The following GALNT10 variants were observed in gnomAD, a reference collection of about 807,000 sequenced individuals.
GALNT10 encodes the protein polypeptide N-acetylgalactosaminyltransferase 10.
In GALNT10, 41 loss-of-function variants were observed where a neutral mutation model predicts 75.0. The ratio of observed to expected loss-of-function variants is 0.55; its 90% CI spans 0.43 to 0.71. The LOEUF (loss-of-function observed/expected upper bound fraction) is 0.71. Among genes scored for constraint, GALNT10 ranks in the 30% least tolerant of loss-of-function variants. The probability of loss-of-function intolerance (pLI) is 0.00; values close to 1 mark genes in which losing one functional copy is unlikely to be tolerated. For missense variants in GALNT10, 727 were observed against 818.5 expected (o/e 0.89, Z 1.36); for synonymous variants, 302 against 313.0 (o/e 0.96, Z 0.37).
intron 4 of GALNT10, among the ~76,000 whole-genome samples, chr5:154,355,924 C>T (rs918510): frequency 0.44 from 66,354 of 151,962 alleles, 15,815 homozygotes; most frequent in Middle Eastern, 0.57. Flanking sequence ...TACACCAAGG[C>T]ACCTACCTTC....
At chr5:154,362,861 C>A (rs1447576502) in intron 4 of GALNT10, among the ~76,000 whole-genome samples, 4 of 152,152 alleles carry the variant, frequency 2.6e-5, no homozygotes, top group African/African-American at 9.7e-5. Context: ...TAGCTCTCTG[C>A]AAAGTATATC....
chr5:154,286,155 A>C (rs1754108033), intron 1 of GALNT10, among the ~76,000 whole-genome samples: 1 of 152,134 alleles, frequency 6.6e-6, no homozygotes, highest in East Asian at 1.9e-4. Flanking sequence ...TTCGGATGAA[A>C]GTCTACATTT....
chr5:154,326,129 A>T (rs1001882457), intron 3 of GALNT10, among the ~76,000 whole-genome samples: 1 of 152,120 alleles, frequency 6.6e-6, no homozygotes, highest in Non-Finnish European at 1.5e-5. Context: ...TCCAGAGAAG[A>T]TGTACAAATG....
chr5:154,259,113 C>CT (rs1424211848), intron 1 of GALNT10, among the ~76,000 whole-genome samples: 47 of 151,830 alleles, frequency 3.1e-4, no homozygotes, highest in African/African-American at 5.8e-4. Flanking sequence ...CCATTGATGC[C>CT]TTTTTTATTT....
chr5:154,309,440 G>A (rs1186543108), intron 3 of GALNT10, among the ~76,000 whole-genome samples: 1 of 152,184 alleles, frequency 6.6e-6, no homozygotes, highest in East Asian at 1.9e-4. Context: ...GATCACTTTG[G>A]TTGCTATTTT....
At chr5:154,242,929 A>G (rs1455106641) in intron 1 of GALNT10, among the ~76,000 whole-genome samples, 1 of 152,176 alleles carries the variant, frequency 6.6e-6, no homozygotes, top group Non-Finnish European at 1.5e-5. Context: ...CTATTTTGGC[A>G]TGTCTTTTGA....
chr5:154,328,927 C>G (rs971110007), intron 3 of GALNT10, among the ~76,000 whole-genome samples: 5 of 152,150 alleles, frequency 3.3e-5, no homozygotes, highest in African/African-American at 1.2e-4. Context: ...ATGGCATGAT[C>G]AATTATCATC....
chr5:154,275,743 G>C (rs1185066708), intron 1 of GALNT10, among the ~76,000 whole-genome samples: 1 of 152,182 alleles, frequency 6.6e-6, no homozygotes, highest in African/African-American at 2.4e-5. Context: ...TTCATAGCAT[G>C]GTGGCTGGGA....
At chr5:154,282,512 G>A (rs1043080958) in intron 1 of GALNT10, among the ~76,000 whole-genome samples, 4 of 152,156 alleles carry the variant, frequency 2.6e-5, no homozygotes, top group African/African-American at 9.7e-5. Flanking sequence ...CAGCTCCTAG[G>A]GGATATACAG....
At position 154,247,002 on chromosome 5, in the gene GALNT10, G is replaced by A. The variant is rs185213782; in HGVS notation, c.160-47814G>A. Among the ~76,000 whole-genome samples the A allele has an allele frequency of 2.8e-3, 425 of 152,244 alleles. 1 individual carries two copies. Among genetic ancestry groups the A allele is most frequent in the African/African-American group, 9.7e-3 (404 of 41,548 alleles). ...AATTTTTGTATAAGGTGTAAGGAAG[G>A]GATCCAGTTTCAGCTTTCTCCATAT... On this transcript the variant is annotated intron_variant, in intron 1 of 11. Coordinates refer to ENST00000297107, the MANE Select transcript of GALNT10 (RefSeq NM_198321.4).
rs1305837907 is a variant in GALNT10 at position 154,376,556 on chromosome 5, C to G, written c.754+94C>G. The G allele has an allele frequency of 9.2e-6, 8 of 866,734 alleles. No homozygotes were observed. Among genetic ancestry groups the G allele is most frequent in the Non-Finnish European group, 1.4e-5 (8 of 567,968 alleles). The allele number at this position is 866,734 out of a possible 1,614,324, so 53.7% of individuals were successfully genotyped here. ...TGCAGGGAGCCATCCATAAGCCTTC[C>G]CTTGCCTGTTCGAGATGCCCCCAGC... On this transcript the variant is annotated intron_variant, in intron 5 of 11. Transcript: ENST00000297107. The surrounding 1 kb of genome is among the most constrained non-coding windows in gnomAD (Gnocchi z 4.1).
chr5:154,371,537 A>G (rs1327579336), intron 4 of GALNT10, among the ~76,000 whole-genome samples: 1 of 70,858 alleles, frequency 1.4e-5, no homozygotes, highest in African/African-American at 3.6e-5. Flanking sequence ...GACACACCAC[A>G]GTGTGTGTGT....
rs181150306 is a variant in GALNT10, at chr5:154,293,928, G to A, written c.160-888G>A. 5.3e-4 allele frequency among the ~76,000 whole-genome samples: 80 copies of A among 152,186 alleles called. 1 individual carries two copies. In the South Asian group the frequency reaches 0.011, roughly 21 times the overall value. On this transcript the variant is annotated intron_variant, in intron 1 of 11. Transcript: ENST00000297107. Reference sequence around the variant, plus strand: ...CCCAGTGGAACTGAACTCATGTAGTGCATTCTCTGAGCCCCTGCCCTATCC... The same window carrying A: ...CCCAGTGGAACTGAACTCATGTAGTACATTCTCTGAGCCCCTGCCCTATCC...
chr5:154,224,392 C>T (rs1033762004), intron 1 of GALNT10, among the ~76,000 whole-genome samples: 8 of 152,150 alleles, frequency 5.3e-5, no homozygotes, highest in African/African-American at 1.9e-4. Flanking sequence ...CTAATTTGAC[C>T]CAGTCTCTTG....
At position 154,357,885 on chromosome 5, in the gene GALNT10, G is replaced by T. The variant is rs181391450; in HGVS notation, c.569-18392G>T. ...ACATTTGACTTACCCAAGGCTCAGC[G>T]TGCTCCACAATTTCTTCATGGGAAG... On this transcript the variant is annotated intron_variant, in intron 4 of 11. Transcript: ENST00000297107. Among the ~76,000 whole-genome samples the T allele has an allele frequency of 1.2e-4, 18 of 152,280 alleles. No individual in the cohort carries two copies. The East Asian group carries it at 2.5e-3, about 21-fold the overall frequency.
chr5:154,404,054 G>A (rs760121761), intron 7 of GALNT10, 50 bp from the exon 8 acceptor site: 11 of 1,428,256 alleles, frequency 7.7e-6, no homozygotes, highest in Middle Eastern at 1.8e-4. Context: ...TGGCGGGATG[G>A]TGAACTGGAA....
chr5:154,272,781 A>G (rs1283835817), intron 1 of GALNT10, among the ~76,000 whole-genome samples: 2 of 152,236 alleles, frequency 1.3e-5, no homozygotes, highest in Non-Finnish European at 2.9e-5. Context: ...AGAGAGTCCA[A>G]TAAGTGTTAG....
chr5:154,328,041 T>G (rs1263008048), intron 3 of GALNT10, among the ~76,000 whole-genome samples: 1 of 148,004 alleles, frequency 6.8e-6, no homozygotes, highest in African/African-American at 2.5e-5. Context: ...GGGACTCCTA[T>G]AAGATAAATA....
At chr5:154,223,750 T>C (rs1452199957) in intron 1 of GALNT10, among the ~76,000 whole-genome samples, 1 of 151,934 alleles carries the variant, frequency 6.6e-6, no homozygotes, top group Non-Finnish European at 1.5e-5. Context: ...TGAAACCTCA[T>C]CTCTACTAAA....
Sources: gnomAD v4.1 joint callset for allele counts (sites outside exome capture counted in the v4.1 genomes callset) on GRCh38, gnomAD v4.1.1 for gene constraint, Gnocchi (gnomAD v3.1) non-coding constraint, MANE v1.5 for transcripts, NCBI Gene and HGNC (gene_info 2026-07-23, HGNC 2026-07-21) for gene names.